The following GALNT13 variants were observed in gnomAD, a reference collection of about 807,000 sequenced individuals.
The protein encoded by GALNT13 is polypeptide N-acetylgalactosaminyltransferase 13, also known as UDP-GalNAc:polypeptide N-acetylgalactosaminyltransferase 13.
A neutral mutation model predicts 64.2 loss-of-function variants in GALNT13; 28 were observed. The observed-to-expected ratio is 0.44, with a 90% CI of 0.32 to 0.60. The LOEUF (loss-of-function observed/expected upper bound fraction) is 0.60, where lower values mean the gene tolerates loss of function less well. Among genes scored for constraint, GALNT13 ranks in the 20% least tolerant of loss-of-function variants. GALNT13 has a pLI of 0.05. For synonymous variants in GALNT13, 214 were observed against 224.6 expected, an observed-to-expected ratio of 0.95 and a Z score of 0.42; for missense variants, 577 against 669.8, an observed-to-expected ratio of 0.86 and a Z score of 1.53.
chr2:153,247,930 A>C, the GALNT13 span, among the ~76,000 whole-genome samples: 14 of 152,232 alleles, frequency 9.2e-5, no homozygotes, highest in Non-Finnish European at 1.6e-4. Context: ...AATACGATAA[A>C]CAGCCCTATG....
At chr2:153,453,000 G>A in the GALNT13 span, among the ~76,000 whole-genome samples, 5 of 151,910 alleles carry the variant, frequency 3.3e-5, no homozygotes, top group East Asian at 3.9e-4. Context: ...CTAAGCCATC[G>A]AAGTTAATAA....
chr2:154,043,410 A>C (rs1699095180), intron 3 of GALNT13, among the ~76,000 whole-genome samples: 1 of 21,854 alleles, frequency 4.6e-5, no homozygotes, highest in African/African-American at 2.3e-4. Context: ...TACTATAAGG[A>C]CTTTTATATA....
chr2:153,478,262 C>G, the GALNT13 span: 3 of 1,613,684 alleles, frequency 1.9e-6, no homozygotes, highest in Non-Finnish European at 2.5e-6. Flanking sequence ...ACCACCGCCT[C>G]CACCTCCTTA....
chr2:154,225,122 A>AGATAGAT lies in GALNT13; in HGVS notation c.312-16907_312-16901dup, dbSNP rs1225284253. 4.0e-3 allele frequency among the ~76,000 whole-genome samples: 567 copies of AGATAGAT among 141,292 alleles called. 1 individual carries two copies. Among genetic ancestry groups the AGATAGAT allele is most frequent in the African/African-American group, 0.014 (548 of 37,882 alleles). The allele number at this position is 141,292 out of a possible 152,430, so 92.7% of individuals were successfully genotyped here. ...TGGAGAGATAGATAGATAGATAGATAGATAGATAGATAGATAGATAGATGA... is the reference window on the plus strand; with the variant it reads ...TGGAGAGATAGATAGATAGATAGATAGATAGATGATAGATAGATAGATAGATAGATGA... On this transcript the variant is annotated intron_variant, in intron 4 of 12. Coordinates refer to ENST00000392825, the MANE Select transcript of GALNT13 (RefSeq NM_052917.4).
the GALNT13 span, among the ~76,000 whole-genome samples, chr2:153,100,121 C>T: frequency 3.0e-3 from 464 of 152,256 alleles, 3 homozygotes; most frequent in African/African-American, 0.011. Flanking sequence ...GATGGTTTCT[C>T]AAAGTAAGTT....
the GALNT13 span, among the ~76,000 whole-genome samples, chr2:153,679,420 A>G: frequency 6.6e-5 from 10 of 151,970 alleles, no homozygotes; most frequent in African/African-American, 2.4e-4. Context: ...TTCACCCACT[A>G]CATCATGGCA....
intron 9 of GALNT13, among the ~76,000 whole-genome samples, chr2:154,340,753 A>C (rs765850404): frequency 6.6e-6 from 1 of 152,152 alleles, no homozygotes; most frequent in Non-Finnish European, 1.5e-5. Flanking sequence ...GATTAGTGTA[A>C]AAATACATAG....
the GALNT13 span, among the ~76,000 whole-genome samples, chr2:153,481,668 G>T: frequency 6.6e-6 from 1 of 152,060 alleles, no homozygotes; most frequent in South Asian, 2.1e-4. Context: ...TGTTACACAA[G>T]GACAGAAACA....
At chr2:154,300,355 G>A (rs904455958) in intron 8 of GALNT13, among the ~76,000 whole-genome samples, 7 of 151,652 alleles carry the variant, frequency 4.6e-5, no homozygotes, top group Non-Finnish European at 8.8e-5. Flanking sequence ...TGCCCACCTC[G>A]GCCTCCCAAA....
chr2:154,358,479 C>T (rs1014064074), intron 9 of GALNT13, among the ~76,000 whole-genome samples: 2 of 151,992 alleles, frequency 1.3e-5, no homozygotes, highest in East Asian at 1.9e-4. Context: ...TAAAATTTTA[C>T]AATTCCGTAT....
the GALNT13 span, among the ~76,000 whole-genome samples, chr2:153,673,591 G>A: frequency 9.9e-5 from 15 of 151,426 alleles, no homozygotes; most frequent in African/African-American, 3.4e-4. Context: ...GACAAACCAC[G>A]CCAATATCAT....
chr2:153,391,453 A>AAATGT, the GALNT13 span, among the ~76,000 whole-genome samples: 1 of 152,082 alleles, frequency 6.6e-6, no homozygotes, highest in African/African-American at 2.4e-5. Flanking sequence ...GTGACTAACC[A>AAATGT]CTTGTAAAGA....
chr2:154,433,983 T>A (rs2105455041), intron 11 of GALNT13, among the ~76,000 whole-genome samples: 1 of 152,248 alleles, frequency 6.6e-6, no homozygotes, highest in African/African-American at 2.4e-5. Context: ...ATGTAACTGG[T>A]GTTTTTATAA....
At chr2:153,477,903 A>G in the GALNT13 span, 3 of 335,870 alleles carry the variant, frequency 8.9e-6, no homozygotes, top group Non-Finnish European at 1.7e-5. Flanking sequence ...CTGCCCCCAG[A>G]GCTTGGCCCA....
At chr2:154,149,067 A>T (rs979290499) in intron 4 of GALNT13, among the ~76,000 whole-genome samples, 2 of 152,032 alleles carry the variant, frequency 1.3e-5, no homozygotes, top group Non-Finnish European at 2.9e-5. Flanking sequence ...TTAGGTCTAA[A>T]GTTTAAGTCT....
the GALNT13 span, among the ~76,000 whole-genome samples, chr2:153,771,616 C>T: frequency 3.8e-4 from 58 of 152,076 alleles, no homozygotes; most frequent in East Asian, 6.4e-3. Flanking sequence ...CTCTGTGAGA[C>T]GGGAAGTTAT....
the GALNT13 span, among the ~76,000 whole-genome samples, chr2:153,602,565 A>G: frequency 1.3e-5 from 2 of 151,864 alleles, no homozygotes; most frequent in Admixed American, 1.3e-4. Context: ...AGAAACAACA[A>G]GTACAGAATC....
chr2:154,028,383 GT>G (rs1416694079), intron 3 of GALNT13, among the ~76,000 whole-genome samples: 1 of 137,714 alleles, frequency 7.3e-6, no homozygotes, highest in Non-Finnish European at 1.6e-5. Context: ...CAAGTTGATT[GT>G]TTTCTTTTGT....
chr2:153,109,214 C>T, the GALNT13 span, among the ~76,000 whole-genome samples: 1 of 152,010 alleles, frequency 6.6e-6, no homozygotes, highest in Non-Finnish European at 1.5e-5. Context: ...AACTGAAACT[C>T]GAAAAGCAGA....
Sources: gnomAD v4.1 joint callset for allele counts (sites outside exome capture counted in the v4.1 genomes callset) on GRCh38, gnomAD v4.1.1 for gene constraint, MANE v1.5 for transcripts, NCBI Gene and HGNC (gene_info 2026-07-23, HGNC 2026-07-21) for gene names.